MGAT5: variants seen among roughly 807,000 people sequenced by gnomAD.
MGAT5 encodes alpha-1,6-mannosylglycoprotein 6-beta-N-acetylglucosaminyltransferase A.
MGAT5 carries 30 observed loss-of-function variants against 94.3 expected under a neutral mutation model. The ratio of observed to expected loss-of-function variants is 0.32; its 90% CI spans 0.24 to 0.43. The LOEUF is 0.43. MGAT5 is among the 20% of genes least tolerant of loss of function. The pLI is 1.00. For missense variants in MGAT5, 691 were observed against 905.5 expected, an observed-to-expected ratio of 0.76 and a Z score of 3.04; for synonymous variants, 310 against 322.9, an observed-to-expected ratio of 0.96 and a Z score of 0.43.
intron 1 of MGAT5, among the ~76,000 whole-genome samples, chr2:134,180,448 G>A (rs1688679781): frequency 6.6e-6 from 1 of 152,192 alleles, no homozygotes; most frequent in Admixed American, 6.5e-5. Flanking sequence ...TGTAATCCTG[G>A]TGTAAAACCA....
At position 134,283,890 on chromosome 2, in the gene MGAT5, T is replaced by C. The variant is rs114206117; in HGVS notation, c.406+13340T>C. On this transcript the variant is annotated intron_variant, in intron 2 of 15. Coordinates refer to ENST00000281923, the MANE Select transcript of MGAT5 (RefSeq NM_002410.5). Reference sequence around the variant, plus strand: ...TGCACTAGGCTCTCTGAGAAATTTGTGACTGGCTAGCAATTAGAGTTGAGA... The same window carrying C: ...TGCACTAGGCTCTCTGAGAAATTTGCGACTGGCTAGCAATTAGAGTTGAGA... 4.9e-3 allele frequency among the ~76,000 whole-genome samples: 749 copies of C among 152,130 alleles called. 9 individuals carry two copies. The highest frequency in any genetic ancestry group is 0.017 in the African/African-American group (717 of 41,482).
chr2:134,274,809 C>A (rs1253629397), intron 2 of MGAT5, among the ~76,000 whole-genome samples: 2 of 152,210 alleles, frequency 1.3e-5, no homozygotes, highest in African/African-American at 2.4e-5. Flanking sequence ...CCAAGTTGAA[C>A]TTACAGCAAC....
chr2:134,316,000 T>G (rs112014664), intron 2 of MGAT5, among the ~76,000 whole-genome samples: 2,197 of 152,292 alleles, frequency 0.014, 47 homozygotes, highest in African/African-American at 0.042. Flanking sequence ...ATCATTTCAA[T>G]ACCCCTGTGA....
intron 14 of MGAT5, among the ~76,000 whole-genome samples, chr2:134,429,915 C>A (rs2106383038): frequency 6.6e-6 from 1 of 152,202 alleles, no homozygotes; most frequent in South Asian, 2.1e-4. Flanking sequence ...TAGTGGAAAC[C>A]AAGACTCACA....
chr2:134,445,138 T>C (rs1685700976), intron 15 of MGAT5, among the ~76,000 whole-genome samples: 1 of 152,180 alleles, frequency 6.6e-6, no homozygotes, highest in African/African-American at 2.4e-5. Context: ...CAGTACAGTG[T>C]AGACTGAGTG....
chr2:134,342,688 C>G (rs1194583643), intron 7 of MGAT5, among the ~76,000 whole-genome samples: 2 of 147,446 alleles, frequency 1.4e-5, no homozygotes, highest in African/African-American at 5.0e-5. Flanking sequence ...CCACTGCACT[C>G]CAGCCTGAGT....
chr2:134,399,452 A>G (rs566476752), intron 10 of MGAT5, among the ~76,000 whole-genome samples: 1 of 152,202 alleles, frequency 6.6e-6, no homozygotes, highest in Admixed American at 6.5e-5. Flanking sequence ...TTCCCTTTGC[A>G]TCTCCTCCCC....
intron 1 of MGAT5, among the ~76,000 whole-genome samples, chr2:134,202,019 A>C (rs1679813786): frequency 6.6e-6 from 1 of 151,800 alleles, no homozygotes; most frequent in South Asian, 2.1e-4. Context: ...AACTATTTTC[A>C]TTATATTATT....
chr2:134,246,234 TG>T (rs1171844923), intron 1 of MGAT5, among the ~76,000 whole-genome samples: 1 of 151,598 alleles, frequency 6.6e-6, no homozygotes, highest in Non-Finnish European at 1.5e-5. Context: ...ACCTATTTCT[TG>T]GGCAGCACCC....
At chr2:134,244,070 G>A (rs548447441) in intron 1 of MGAT5, among the ~76,000 whole-genome samples, 1 of 152,202 alleles carries the variant, frequency 6.6e-6, no homozygotes, top group African/African-American at 2.4e-5. Flanking sequence ...GAGAAAAGGT[G>A]CATTTTACAC....
At chr2:134,365,746 T>C (rs929584910) in intron 10 of MGAT5, among the ~76,000 whole-genome samples, 1 of 152,152 alleles carries the variant, frequency 6.6e-6, no homozygotes, top group Non-Finnish European at 1.5e-5. Flanking sequence ...ATATATCCTT[T>C]CTCACACTCT....
At chr2:134,383,597 C>A (rs1246962358) in intron 10 of MGAT5, among the ~76,000 whole-genome samples, 2 of 152,188 alleles carry the variant, frequency 1.3e-5, no homozygotes, top group African/African-American at 4.8e-5. Flanking sequence ...CTGGTATCCA[C>A]TTGTTTTTAT....
At chr2:134,423,612 A>G (rs1473401720) in intron 13 of MGAT5, among the ~76,000 whole-genome samples, 1 of 152,156 alleles carries the variant, frequency 6.6e-6, no homozygotes, top group Admixed American at 6.6e-5. Flanking sequence ...TGGTGGGAGC[A>G]CTTTTTACAC....
chr2:134,342,147 T>A (rs1385170365), intron 7 of MGAT5, among the ~76,000 whole-genome samples: 4 of 152,284 alleles, frequency 2.6e-5, no homozygotes, highest in Middle Eastern at 3.4e-3. Context: ...CAGGGCAGGT[T>A]CCTGTTTGTA....
intron 11 of MGAT5, among the ~76,000 whole-genome samples, chr2:134,406,480 C>A (rs940175240): frequency 6.6e-6 from 1 of 152,168 alleles, no homozygotes; most frequent in Non-Finnish European, 1.5e-5. Context: ...GCAGGCCTGG[C>A]AAATATGCAG....
chr2:134,430,332 T>C (rs1442310291), intron 14 of MGAT5, among the ~76,000 whole-genome samples: 1 of 152,240 alleles, frequency 6.6e-6, no homozygotes, highest in Non-Finnish European at 1.5e-5. Flanking sequence ...CCAGCCAGTC[T>C]TTAAAAGTTA....
chr2:134,448,685 G>T lies in MGAT5; in HGVS notation c.2064G>T (p.Lys688Asn). The T allele has an allele frequency of 1.2e-6, 2 of 1,614,200 alleles. No individual in the cohort carries two copies. Among genetic ancestry groups the T allele is most frequent in the Non-Finnish European group, 1.7e-6 (2 of 1,180,040 alleles). ...KVTCQSSELAKDILVPSFDPK... is the reference protein window; with the variant it reads ...KVTCQSSELANDILVPSFDPK... ...CCTGCCAAAGCTCAGAGCTGGCCAA[G>T]GACATCCTGGTGCCCTCCTTTGACC... Residue 688 changes from lysine (K) to asparagine (N), a missense_variant, in exon 16 of 16, where the codon AAG becomes AAT. Physicochemically the swap from Lys to Asn is moderately conservative, Grantham distance 94 (BLOSUM62 0). Coordinates refer to ENST00000281923, the MANE Select transcript of MGAT5 (RefSeq NM_002410.5).
In MGAT5 at chr2:134,220,072, G is replaced by C. The variant is rs534152528; in HGVS notation, c.-142-34190G>C. Among the ~76,000 whole-genome samples, 21 of 152,308 alleles carry C rather than the reference G, an allele frequency of 1.4e-4. No individual in the cohort carries two copies. In the South Asian group the frequency reaches 4.2e-3, roughly 30 times the overall value. On this transcript the variant is annotated intron_variant, in intron 1 of 16. Transcript: ENST00000409645. ...TCATTATCTTGTGAAGGCAGCAAAT[G>C]CATGACATACGTACCCCTGTTCTTG...
At chr2:134,280,507 G>C (rs116352230) in intron 2 of MGAT5, among the ~76,000 whole-genome samples, 261 of 152,340 alleles carry the variant, frequency 1.7e-3, no homozygotes, top group Middle Eastern at 0.014. Flanking sequence ...CTCTTAGCTG[G>C]TTTTAAGCTG....
Sources: allele counts gnomAD v4.1 joint callset (sites outside exome capture counted in the v4.1 genomes callset), GRCh38; gene constraint gnomAD v4.1.1; transcripts MANE v1.5; gene names NCBI Gene and HGNC (gene_info 2026-07-23, HGNC 2026-07-21).